Variants in STAU2 observed in about 807,000 individuals in gnomAD.
STAU2 encodes the protein staufen double-stranded RNA binding protein 2.
STAU2 carries 20 observed loss-of-function variants against 65.9 expected under a neutral mutation model. The ratio of observed to expected loss-of-function variants is 0.30; its 90% CI spans 0.21 to 0.44. STAU2 has a LOEUF of 0.44. Ranked by LOEUF, STAU2 falls within the 20% of genes least tolerant of loss-of-function variation. The probability of loss-of-function intolerance (pLI) is 1.00; values close to 1 mark genes in which losing one functional copy is unlikely to be tolerated. For missense variants in STAU2, 558 were observed against 683.9 expected (o/e 0.82, Z 2.05); for synonymous variants, 232 against 233.9 (o/e 0.99, Z 0.07).
rs557929028 is a variant in STAU2, at chr8:73,572,492, A to C, written c.1222+10278T>G. ...TATCCCTACTGAACATTGATGCAAA[A>C]ATCCTCAATAAAATACTGGCAAACC... On this transcript the variant is annotated intron_variant, in intron 12 of 14. Transcript: ENST00000524300. Among the ~76,000 whole-genome samples, 21 of 152,338 alleles carry C rather than the reference A, an allele frequency of 1.4e-4. No homozygotes were observed. In the South Asian group the frequency reaches 4.4e-3, roughly 32 times the overall value.
chr8:73,744,019 C>CT (rs1807102597), intron 1 of STAU2, among the ~76,000 whole-genome samples: 1 of 152,096 alleles, frequency 6.6e-6, no homozygotes, highest in African/African-American at 2.4e-5. Flanking sequence ...ATCCACCTGC[C>CT]TCGGCCTCCC....
At chr8:73,743,239 C>CT (rs1180162623) in intron 1 of STAU2, among the ~76,000 whole-genome samples, 1 of 150,856 alleles carries the variant, frequency 6.6e-6, no homozygotes, top group African/African-American at 2.4e-5. Flanking sequence ...AAAAAGGAAA[C>CT]TAACATTTTT....
chr8:73,675,918 T>G (rs1159644605), intron 5 of STAU2, among the ~76,000 whole-genome samples: 1 of 152,106 alleles, frequency 6.6e-6, no homozygotes, highest in Non-Finnish European at 1.5e-5. Context: ...GAAATATACA[T>G]TGAAATATTA....
At chr8:73,701,430 G>GA (rs1186122036) in intron 4 of STAU2, among the ~76,000 whole-genome samples, 1 of 151,834 alleles carries the variant, frequency 6.6e-6, no homozygotes, top group Non-Finnish European at 1.5e-5. Flanking sequence ...AACTCTATAG[G>GA]AAAAAAATCT....
intron 6 of STAU2, among the ~76,000 whole-genome samples, chr8:73,623,755 T>C (rs953411959): frequency 6.6e-6 from 1 of 152,226 alleles, no homozygotes; most frequent in African/African-American, 2.4e-5. Flanking sequence ...GTTTTTATCA[T>C]AGAGCTATAA....
intron 4 of STAU2, among the ~76,000 whole-genome samples, chr8:73,693,550 T>C (rs1819506075): frequency 6.6e-6 from 1 of 152,026 alleles, no homozygotes; most frequent in African/African-American, 2.4e-5. Context: ...TCCCTTAATA[T>C]GACCTTCCCA....
At chr8:73,501,900 A>T (rs1037372162) in intron 13 of STAU2, among the ~76,000 whole-genome samples, 3 of 151,942 alleles carry the variant, frequency 2.0e-5, no homozygotes, top group African/African-American at 7.2e-5. Context: ...CTGAGAAAGT[A>T]CCTATTATTC....
At chr8:73,525,796 A>C (rs909714021) in intron 13 of STAU2, among the ~76,000 whole-genome samples, 14 of 152,210 alleles carry the variant, frequency 9.2e-5, no homozygotes, top group Admixed American at 6.5e-5. Context: ...CCATGAGTGG[A>C]TACATAGATA....
chr8:73,565,514 C>T (rs902659366), intron 12 of STAU2, among the ~76,000 whole-genome samples: 1 of 152,154 alleles, frequency 6.6e-6, no homozygotes. Context: ...CACAAATGCA[C>T]AACAATAAAC....
intron 4 of STAU2, among the ~76,000 whole-genome samples, chr8:73,708,573 TAA>T (rs1173980965): frequency 6.6e-6 from 1 of 152,184 alleles, no homozygotes; most frequent in African/African-American, 2.4e-5. Flanking sequence ...ATGTTAGAAT[TAA>T]ATATCACATT....
intron 1 of STAU2, among the ~76,000 whole-genome samples, chr8:73,742,608 C>T (rs1315253911): frequency 6.6e-6 from 1 of 151,862 alleles, no homozygotes; most frequent in African/African-American, 2.4e-5. Context: ...CCAATTACAA[C>T]TAAGCGCTTT....
chr8:73,696,362 A>G (rs760174499), intron 4 of STAU2, among the ~76,000 whole-genome samples: 7 of 152,246 alleles, frequency 4.6e-5, no homozygotes, highest in Non-Finnish European at 8.8e-5. Flanking sequence ...ACCATTCAGG[A>G]AAACATGACC....
chr8:73,539,156 CAG>C (rs369363870), intron 13 of STAU2, among the ~76,000 whole-genome samples: 57 of 152,294 alleles, frequency 3.7e-4, no homozygotes, highest in African/African-American at 1.3e-3. Flanking sequence ...CAAAACTATT[CAG>C]AGGACTGTAA....
intron 13 of STAU2, among the ~76,000 whole-genome samples, chr8:73,437,698 A>G (rs1817814466): frequency 6.6e-6 from 1 of 152,192 alleles, no homozygotes; most frequent in African/African-American, 2.4e-5. Flanking sequence ...TGATGGGCCC[A>G]GGGAAAGGTA....
intron 12 of STAU2, among the ~76,000 whole-genome samples, chr8:73,577,242 C>T (rs1013481325): frequency 1.3e-5 from 2 of 151,948 alleles, no homozygotes; most frequent in Admixed American, 6.6e-5. Context: ...TCCTGGCTAA[C>T]ACAATGAAAC....
At chr8:73,550,949 G>C (rs1415364841) in intron 13 of STAU2, 1 of 985,062 alleles carries the variant, frequency 1.0e-6, no homozygotes, top group East Asian at 1.1e-4. Flanking sequence ...ATAAATACAT[G>C]ATCATTCTAC....
intron 4 of STAU2, among the ~76,000 whole-genome samples, 178 bp downstream of exon 4, chr8:73,708,854 C>T (rs904260100): frequency 6.6e-6 from 1 of 152,098 alleles, no homozygotes; most frequent in Non-Finnish European, 1.5e-5. Context: ...GCTTTGTAAA[C>T]CACAGTGAGC....
chr8:73,496,881 G>A (rs1393052532), intron 13 of STAU2, among the ~76,000 whole-genome samples: 3 of 151,726 alleles, frequency 2.0e-5, no homozygotes, highest in East Asian at 1.9e-4. Flanking sequence ...AATGGTTAAC[G>A]TATTAGACAG....
At chr8:73,747,443 C>T (rs779461218), upstream of STAU2, 2 of 1,534,688 alleles carry the variant, frequency 1.3e-6, no homozygotes, top group Non-Finnish European at 1.7e-6. Context: ...GCGACCATCC[C>T]GCGTCTGCTC....
Sources: allele counts gnomAD v4.1 joint callset (sites outside exome capture counted in the v4.1 genomes callset), GRCh38; gene constraint gnomAD v4.1.1; transcripts MANE v1.5; gene names NCBI Gene and HGNC (gene_info 2026-07-23, HGNC 2026-07-21).